INSL6: variants seen among roughly 807,000 people sequenced by gnomAD.
INSL6 encodes insulin-like peptide INSL6.
A neutral mutation model predicts 9.4 loss-of-function variants in INSL6; 16 were observed. The observed-to-expected ratio is 1.70, with a 90% confidence interval of 1.15 to 2.59. The LOEUF (loss-of-function observed/expected upper bound fraction) is 2.59. Ranked by LOEUF, INSL6 falls within the 30% of genes most tolerant of loss-of-function variation. The probability of loss-of-function intolerance (pLI) is 0.00; values close to 1 mark genes in which losing one functional copy is unlikely to be tolerated. For missense variants in INSL6, 391 were observed against 257.3 expected (o/e 1.52, Z -3.56); for synonymous variants, 154 against 96.9 (o/e 1.59, Z -3.46).
the INSL6 span, among the ~76,000 whole-genome samples, chr9:5,087,758 C>CAAGT: frequency 6.6e-6 from 1 of 151,778 alleles, no homozygotes; most frequent in Non-Finnish European, 1.5e-5. Flanking sequence ...CAGTGTGTAT[C>CAAGT]AAGTCCCTTT....
At chr9:5,086,232 G>C in the INSL6 span, 16 of 603,118 alleles carry the variant, frequency 2.7e-5, no homozygotes, top group South Asian at 6.8e-4. Context: ...GTCGGAGTCT[G>C]AAAGTCGCGG....
the INSL6 span, among the ~76,000 whole-genome samples, chr9:5,006,748 T>C: frequency 6.6e-6 from 1 of 152,218 alleles, no homozygotes; most frequent in Admixed American, 6.5e-5. Context: ...CCCAGTCACC[T>C]CTCACCAGGC....
the INSL6 span, among the ~76,000 whole-genome samples, chr9:4,993,368 G>C: frequency 6.6e-6 from 1 of 152,166 alleles, no homozygotes; most frequent in African/African-American, 2.4e-5. Flanking sequence ...TGGCTGAAAA[G>C]ATTGTTCTGA....
chr9:5,078,373 G>A, the INSL6 span: 1 of 1,612,564 alleles, frequency 6.2e-7, no homozygotes. Context: ...GAAGAAGACA[G>A]GAAGACAGGA....
chr9:5,152,689 A>T (rs1586864787), intron 2 of INSL6, among the ~76,000 whole-genome samples: 1 of 152,210 alleles, frequency 6.6e-6, no homozygotes, highest in East Asian at 1.9e-4. Context: ...ACAACAAACG[A>T]GAAAAAGGAA....
chr9:5,184,333 T>G (rs1047791589), intron 1 of INSL6, among the ~76,000 whole-genome samples: 3 of 152,202 alleles, frequency 2.0e-5, no homozygotes, highest in Admixed American at 2.0e-4. Context: ...GTAATCTTCT[T>G]CCTATGGATA....
intron 1 of INSL6, among the ~76,000 whole-genome samples, chr9:5,177,080 G>C (rs544658050): frequency 1.4e-4 from 22 of 152,234 alleles, no homozygotes; most frequent in Non-Finnish European, 3.1e-4. Flanking sequence ...GGGGTCGGGG[G>C]GAGTTGGGTG....
the INSL6 span, among the ~76,000 whole-genome samples, chr9:5,116,506 A>G: frequency 1.3e-5 from 2 of 152,206 alleles, no homozygotes; most frequent in Non-Finnish European, 2.9e-5. Flanking sequence ...ATCCCCAGTG[A>G]TACATGAATT....
At chr9:5,157,985 A>C (rs1824848756) in intron 2 of INSL6, among the ~76,000 whole-genome samples, 2 of 152,220 alleles carry the variant, frequency 1.3e-5, no homozygotes, top group African/African-American at 4.8e-5. Flanking sequence ...CTAACAAATA[A>C]ATTTAACAAA....
At chr9:5,080,284 T>A in the INSL6 span, 3 of 1,613,668 alleles carry the variant, frequency 1.9e-6, no homozygotes, top group East Asian at 2.2e-5. Flanking sequence ...ATCCTAAAAA[T>A]TTAAATTTGG....
intron 1 of INSL6, among the ~76,000 whole-genome samples, chr9:5,168,892 C>G (rs1436080649): frequency 6.6e-6 from 1 of 151,590 alleles, no homozygotes; most frequent in Non-Finnish European, 1.5e-5. Flanking sequence ...GGAAACCCTA[C>G]AAGCCAGAAG....
the INSL6 span, among the ~76,000 whole-genome samples, chr9:5,068,788 C>T: frequency 6.6e-6 from 1 of 152,114 alleles, no homozygotes; most frequent in East Asian, 1.9e-4. Flanking sequence ...ATTATCATTG[C>T]CTTCTTACAT....
At chr9:5,037,776 C>T in the INSL6 span, among the ~76,000 whole-genome samples, 2 of 152,104 alleles carry the variant, frequency 1.3e-5, no homozygotes, top group African/African-American at 4.8e-5. Context: ...TTACTGGGTG[C>T]AGCACACCAA....
intron 1 of INSL6, among the ~76,000 whole-genome samples, chr9:5,180,327 G>T (rs994645181): frequency 6.6e-6 from 1 of 152,116 alleles, no homozygotes; most frequent in East Asian, 1.9e-4. Flanking sequence ...CCTTGAAAAA[G>T]AACAGAATAA....
chr9:5,027,719 G>A, the INSL6 span, among the ~76,000 whole-genome samples: 1 of 152,174 alleles, frequency 6.6e-6, no homozygotes, highest in Admixed American at 6.5e-5. Flanking sequence ...TAAATCCTTT[G>A]TTGTCATTTC....
the INSL6 span, among the ~76,000 whole-genome samples, chr9:4,992,823 G>C: frequency 2.0e-5 from 3 of 152,158 alleles, no homozygotes; most frequent in Non-Finnish European, 4.4e-5. Flanking sequence ...GGCACAGTCT[G>C]TAGCAATTCT....
intron 1 of INSL6, among the ~76,000 whole-genome samples, chr9:5,175,086 C>A (rs759033481): frequency 1.3e-5 from 2 of 151,998 alleles, no homozygotes; most frequent in Non-Finnish European, 2.9e-5. Context: ...ACTACAGGTG[C>A]CCACCACCAC....
chr9:5,077,423 C>T, the INSL6 span: 8 of 815,544 alleles, frequency 9.8e-6, no homozygotes, highest in African/African-American at 1.3e-4. Context: ...ATACTTAAGC[C>T]TTATTATTAT....
intron 3 of INSL6, chr9:5,127,614 T>A (rs1461611000): frequency 4.3e-6 from 1 of 231,864 alleles, no homozygotes; most frequent in Non-Finnish European, 8.6e-6. Flanking sequence ...ACAGTTTTCT[T>A]TTAAAATTTT....
Sources: gnomAD v4.1 joint callset for allele counts (sites outside exome capture counted in the v4.1 genomes callset) on GRCh38, gnomAD v4.1.1 for gene constraint, MANE v1.5 for transcripts, NCBI Gene and HGNC (gene_info 2026-07-23, HGNC 2026-07-21) for gene names.